Variants in SEZ6 observed in about 807,000 individuals in gnomAD.
The protein encoded by SEZ6 is seizure related 6 homolog.
SEZ6 carries 53 observed loss-of-function variants against 101.0 expected under a neutral mutation model. The observed-to-expected ratio is 0.52, with a 90% confidence interval of 0.42 to 0.66. SEZ6 has a LOEUF of 0.66. Ranked by LOEUF, SEZ6 falls within the 30% of genes least tolerant of loss-of-function variation. SEZ6 has a pLI of 0.00. For missense variants in SEZ6, 1,102 were observed against 1,289.4 expected, an observed-to-expected ratio of 0.85 and a Z score of 2.23; for synonymous variants, 488 against 512.2, an observed-to-expected ratio of 0.95 and a Z score of 0.64.
At chr17:28,980,832 C>T (rs1328181998) in intron 2 of SEZ6, among the ~76,000 whole-genome samples, 1 of 151,506 alleles carries the variant, frequency 6.6e-6, no homozygotes, top group East Asian at 2.0e-4. Flanking sequence ...TGCCATTTTA[C>T]AGATGAGGCT....
intron 1 of SEZ6, among the ~76,000 whole-genome samples, chr17:28,998,911 T>C (rs1443428852): frequency 6.6e-6 from 1 of 152,168 alleles, no homozygotes; most frequent in Non-Finnish European, 1.5e-5. Context: ...AGCTGGATCA[T>C]ATAGGTGCTG....
chr17:28,965,334 G>A (rs1454922230), intron 4 of SEZ6, among the ~76,000 whole-genome samples: 1 of 151,214 alleles, frequency 6.6e-6, no homozygotes, highest in Non-Finnish European at 1.5e-5. Flanking sequence ...CCTAGGGGAC[G>A]AGAGCGAGAC....
At chr17:28,987,456 C>A (rs115940256) in intron 1 of SEZ6, among the ~76,000 whole-genome samples, 2,401 of 152,258 alleles carry the variant, frequency 0.016, 58 homozygotes, top group African/African-American at 0.054. Context: ...CAATTCCATG[C>A]GCAACTGAAA....
intron 1 of SEZ6, among the ~76,000 whole-genome samples, chr17:28,991,198 C>T (rs1258030591): frequency 6.6e-6 from 1 of 151,074 alleles, no homozygotes; most frequent in Non-Finnish European, 1.5e-5. Flanking sequence ...AGCCACCACT[C>T]CCAGCCTCCA....
intron 1 of SEZ6, among the ~76,000 whole-genome samples, chr17:28,992,768 C>G (rs1203175660): frequency 6.6e-6 from 1 of 152,154 alleles, no homozygotes; most frequent in Non-Finnish European, 1.5e-5. Context: ...GACCAGGGGC[C>G]CAGGGTAGAG....
chr17:28,987,780 T>C (rs1403687118), intron 1 of SEZ6, among the ~76,000 whole-genome samples: 1 of 152,154 alleles, frequency 6.6e-6, no homozygotes, highest in Non-Finnish European at 1.5e-5. Context: ...CCAGGGAGGT[T>C]TGGGACATTA....
chr17:28,956,859 C>T, intron 13 of SEZ6, 102 bp from the exon 14 acceptor site: 3 of 1,454,488 alleles, frequency 2.1e-6, no homozygotes, highest in Non-Finnish European at 2.8e-6. Flanking sequence ...AAGGATTTGT[C>T]CAAGGAGAGG....
Position 29,005,852 on chromosome 17 carries a change from C to T in SEZ6, c.18G>A (p.Leu6=). The T allele has an allele frequency of 2.0e-6, 3 of 1,481,426 alleles. No homozygotes were observed. The highest frequency in any genetic ancestry group is 1.2e-5 in the South Asian group (1 of 80,264). The allele number at this position is 1,481,426 out of a possible 1,614,324, so 91.8% of individuals were successfully genotyped here. A position where few individuals can be genotyped will look rare whatever the true frequency, so the allele number is the denominator to read the frequency against. Reference sequence around the variant, plus strand: ...GCGCCAGCAGCGAGGGCAGGAGCAGCAGGGCTACCGGGCGCATGGTGCTGG... The same window carrying T: ...GCGCCAGCAGCGAGGGCAGGAGCAGTAGGGCTACCGGGCGCATGGTGCTGG... MRPVA[L]LLLPSLLALL... Residue 6 remains leucine (L), a synonymous_variant, in exon 1 of 17, where the codon CTG becomes CTA. Transcript: ENST00000317338. The surrounding 1 kb of genome is among the most constrained non-coding windows in gnomAD (Gnocchi z 4.8).
intron 1 of SEZ6, among the ~76,000 whole-genome samples, chr17:28,996,578 G>A (rs2041546246): frequency 6.6e-6 from 1 of 152,170 alleles, no homozygotes; most frequent in Non-Finnish European, 1.5e-5. Flanking sequence ...GCTGCAGGGA[G>A]GGAGAGAGAC....
chr17:28,957,457 CA>C lies in SEZ6; in HGVS notation c.2384del (p.Val795GlyfsTer11). On this transcript the variant is annotated frameshift_variant, in exon 12 of 17. Transcript: ENST00000317338. LOFTEE classifies it high-confidence loss of function. ...CAAAACCCTGGTCACAGATATATTG[CA>C]CGGTGGCCCCCACGGGAAACTTGGG... ...SSPKFPVGAT[V>X]QYICDQGFVL... The C allele has an allele frequency of 6.2e-7, 1 of 1,613,634 alleles. No homozygotes were observed. Among genetic ancestry groups the C allele is most frequent in the Non-Finnish European group, 8.5e-7 (1 of 1,179,704 alleles).
chr17:28,987,753 C>T (rs2041403055), intron 1 of SEZ6, among the ~76,000 whole-genome samples: 1 of 152,176 alleles, frequency 6.6e-6, no homozygotes, highest in South Asian at 2.1e-4. Flanking sequence ...TACGTAATTT[C>T]TCATTCTCCC....
intron 2 of SEZ6, 105 bp downstream of exon 2, chr17:28,981,266 G>A (rs1307496055): frequency 2.8e-6 from 4 of 1,446,222 alleles, no homozygotes; most frequent in Non-Finnish European, 3.6e-6. Context: ...GGCCCTTGGT[G>A]CCAAAGGGCA....
intron 3 of SEZ6, among the ~76,000 whole-genome samples, chr17:28,973,117 T>G (rs1416140929): frequency 6.6e-6 from 1 of 152,154 alleles, no homozygotes; most frequent in African/African-American, 2.4e-5. Flanking sequence ...TCAAGCCTTG[T>G]ATTGTACTAA....
At position 28,959,328 on chromosome 17, in the gene SEZ6, A is replaced by G; in HGVS notation, c.1910+6T>C. The G allele has an allele frequency of 1.2e-6, 2 of 1,613,462 alleles. No homozygotes were observed. Among genetic ancestry groups the G allele is most frequent in the Non-Finnish European group, 1.7e-6 (2 of 1,179,736 alleles). Reference sequence around the variant, plus strand: ...GTTGGCTCGGCCTGACCCGGTAGGCACTCACACTCGGATGTCCAGCATGAT... The same window carrying G: ...GTTGGCTCGGCCTGACCCGGTAGGCGCTCACACTCGGATGTCCAGCATGAT... On this transcript the variant is annotated splice_donor_region_variant and intron_variant, in intron 9 of 16. Coordinates refer to ENST00000317338, the MANE Select transcript of SEZ6 (RefSeq NM_178860.5). This position sits in a 1 kb window ranked among gnomAD's most constrained non-coding sequence, Gnocchi z 4.4.
chr17:28,996,596 G>A (rs1475099379), intron 1 of SEZ6, among the ~76,000 whole-genome samples: 2 of 152,146 alleles, frequency 1.3e-5, no homozygotes, highest in Non-Finnish European at 2.9e-5. Flanking sequence ...GACCAGCCTG[G>A]GCTGGGGCCT....
chr17:28,957,969 C>A lies in SEZ6; in HGVS notation c.2280G>T (p.Glu760Asp). The change falls in exon 11 of 17, where the codon GAG (glutamate) becomes GAT (aspartate). Residue 760 changes from glutamate (E) to aspartate (D), a missense_variant. By Grantham distance (45) the Glu-to-Asp change is conservative (BLOSUM62 2). This residue lies in a region of SEZ6 where 556 missense variants were observed against 735.1 expected (regional missense o/e 0.76). Coordinates refer to ENST00000317338, the MANE Select transcript of SEZ6 (RefSeq NM_178860.5). ...LMCQWDLTWS[E>D]DLPSCQRVTS... is the part of the protein sequence containing the mutation. ...CACCCCTCTGGCATGAGGGCAGGTC[C>A]TCACTCCAAGTTAGGTCCCACTGGC... 6.2e-7 allele frequency: 1 copy of A among 1,613,762 alleles called. No individual in the cohort carries two copies.
At position 28,972,561 on chromosome 17, in the gene SEZ6, C is replaced by T. The variant is rs571896525; in HGVS notation, c.859-2609G>A. On this transcript the variant is annotated intron_variant, in intron 3 of 16. Transcript: ENST00000317338. The stretch of plus-strand genomic sequence containing the variant: ...CAAGGCAGGGTGCTGGAGGCCGAGG[C>T]GTCTCCTCTCTGTGAGAAACTCTCC... 2.2e-4 allele frequency among the ~76,000 whole-genome samples: 33 copies of T among 152,292 alleles called. No homozygotes were observed. The South Asian group carries it at 6.4e-3, about 30-fold the overall frequency.
At chr17:28,986,706 G>A (rs1230486572) in intron 1 of SEZ6, among the ~76,000 whole-genome samples, 1 of 152,236 alleles carries the variant, frequency 6.6e-6, no homozygotes, top group East Asian at 1.9e-4. Flanking sequence ...TTCTGTACCA[G>A]TCAGCCAGAA....
Position 28,955,493 on chromosome 17 carries a change from G to T in SEZ6, c.*469C>A. ...ATGCCAGGACTACCCAGAGGTCACCGTTGAGAGGAGTTTTGGCCATTGGTG... is the reference window on the plus strand; with the variant it reads ...ATGCCAGGACTACCCAGAGGTCACCTTTGAGAGGAGTTTTGGCCATTGGTG... On this transcript the variant is annotated 3_prime_UTR_variant, in exon 17 of 17. Coordinates refer to ENST00000317338, the MANE Select transcript of SEZ6 (RefSeq NM_178860.5). The T allele has an allele frequency of 2.5e-6, 1 of 395,728 alleles. No individual in the cohort carries two copies. 24.5% of individuals were successfully genotyped at this position (395,728 alleles called of 1,614,324 possible).
Sources: gnomAD v4.1 joint callset for allele counts (sites outside exome capture counted in the v4.1 genomes callset) on GRCh38, gnomAD v4.1.1 for gene constraint, gnomAD v4.1.1 regional missense constraint, Gnocchi (gnomAD v3.1) non-coding constraint, MANE v1.5 for transcripts, NCBI Gene and HGNC (gene_info 2026-07-23, HGNC 2026-07-21) for gene names.